Variants in FRY observed in about 807,000 individuals in gnomAD.
FRY encodes the protein FRY microtubule binding protein.
In FRY, 128 loss-of-function variants were observed where a neutral mutation model predicts 348.4. The ratio of observed to expected loss-of-function variants is 0.37; its 90% CI spans 0.32 to 0.43. FRY has a LOEUF of 0.43. FRY is among the 20% of genes least tolerant of loss of function. FRY has a pLI of 1.00. For missense variants in FRY, 2,736 were observed against 3,695.2 expected, an observed-to-expected ratio of 0.74 and a Z score of 6.73; for synonymous variants, 1,370 against 1,374.7, an observed-to-expected ratio of 1.00 and a Z score of 0.08.
intron 4 of FRY, among the ~76,000 whole-genome samples, chr13:32,123,267 A>C (rs1359594201): frequency 2.0e-5 from 3 of 152,248 alleles, no homozygotes; most frequent in African/African-American, 7.2e-5. Flanking sequence ...ATCTGGAGGC[A>C]TCACACTACC....
chr13:32,236,291 C>A, intron 43 of FRY, 119 bp downstream of exon 43: 1 of 748,222 alleles, frequency 1.3e-6, no homozygotes, highest in East Asian at 2.7e-5. Context: ...TATTTATGAC[C>A]TGAAAAAGTA....
intron 39 of FRY, 69 bp downstream of exon 39, chr13:32,226,043 A>G (rs1370098914): frequency 2.9e-6 from 4 of 1,392,084 alleles, no homozygotes; most frequent in Non-Finnish European, 4.1e-6. Context: ...TGCGGGTGCC[A>G]GTGGAGCCCA....
At chr13:32,056,188 T>TA (rs1252421652) in intron 1 of FRY, among the ~76,000 whole-genome samples, 76,781 of 119,554 alleles carry the variant, frequency 0.64, 24,305 homozygotes, top group African/African-American at 0.66. Flanking sequence ...AGACTCCATC[T>TA]AAAAAAAAAA....
intron 28 of FRY, among the ~76,000 whole-genome samples, chr13:32,190,679 A>G (rs77660807): frequency 0.023 from 3,435 of 152,276 alleles, 59 homozygotes; most frequent in Non-Finnish European, 0.034. Context: ...AGAAAAATTA[A>G]ACATCTAATA....
chr13:32,062,991 T>G (rs992548379), intron 1 of FRY, among the ~76,000 whole-genome samples: 11 of 152,018 alleles, frequency 7.2e-5, no homozygotes, highest in Non-Finnish European at 5.9e-5. Context: ...ATGCATACTA[T>G]AATGTATATT....
At chr13:32,161,729 C>G (rs779700007) in intron 17 of FRY, among the ~76,000 whole-genome samples, 2 of 152,194 alleles carry the variant, frequency 1.3e-5, no homozygotes, top group Non-Finnish European at 2.9e-5. Flanking sequence ...CTGAGGCCCA[C>G]AGACCCCCAT....
At position 32,202,408 on chromosome 13, in the gene FRY, C is replaced by T. The variant is rs921142251; in HGVS notation, c.3899C>T (p.Pro1300Leu). Residue 1300 changes from proline (P) to leucine (L), a missense_variant, in exon 31 of 61, where the codon CCG becomes CTG. Physicochemically the swap from Pro to Leu is moderately conservative, Grantham distance 98. Around this residue, in one of 9 missense-constraint regions of FRY, gnomAD observed 794 missense variants for 977.0 expected, o/e 0.81. Coordinates refer to ENST00000542859, the MANE Select transcript of FRY (RefSeq NM_023037.3). Reference protein sequence around the residue: ...VYSKKVAEQRPGSILYGTHGP... With the variant: ...VYSKKVAEQRLGSILYGTHGP... ...TCAAAGAAAGTCGCTGAGCAAAGAC[C>T]GGGAAGTATTCTCTATGGAACACAC... 6.2e-6 allele frequency: 10 copies of T among 1,613,862 alleles called. No homozygotes were observed. Among genetic ancestry groups the T allele is most frequent in the Non-Finnish European group, 7.6e-6 (9 of 1,179,948 alleles).
intron 11 of FRY, among the ~76,000 whole-genome samples, chr13:32,146,807 T>G (rs146794099): frequency 9.8e-5 from 15 of 152,296 alleles, no homozygotes; most frequent in African/African-American, 3.1e-4. Context: ...TCTCTGCATC[T>G]CAGGTTCTAG....
At chr13:32,248,507 T>G (rs560361173) in intron 48 of FRY, among the ~76,000 whole-genome samples, 27 of 151,092 alleles carry the variant, frequency 1.8e-4, no homozygotes, top group African/African-American at 6.4e-4. Context: ...ATTCTGCACA[T>G]GTACCCCAGA....
intron 1 of FRY, among the ~76,000 whole-genome samples, chr13:32,068,467 A>C (rs1455540514): frequency 6.6e-6 from 1 of 152,218 alleles, no homozygotes; most frequent in Non-Finnish European, 1.5e-5. Context: ...CTTGGCAGAC[A>C]TTCTTTCAGG....
At chr13:32,053,784 T>A (rs1174149074) in intron 1 of FRY, among the ~76,000 whole-genome samples, 1 of 152,188 alleles carries the variant, frequency 6.6e-6, no homozygotes, top group African/African-American at 2.4e-5. Flanking sequence ...CTAGACTAGG[T>A]TGTCTCCTTC....
At chr13:32,222,918 C>A (rs1461592303) in intron 36 of FRY, among the ~76,000 whole-genome samples, 1 of 152,086 alleles carries the variant, frequency 6.6e-6, no homozygotes, top group Non-Finnish European at 1.5e-5. Context: ...TCGGGGATGA[C>A]TTTAAGTCTC....
intron 1 of FRY, among the ~76,000 whole-genome samples, chr13:32,057,859 C>G (rs1345448109): frequency 3.3e-5 from 5 of 152,132 alleles, no homozygotes; most frequent in Admixed American, 3.3e-4. Flanking sequence ...ACTCGGGAGA[C>G]TGAGGCAGGA....
chr13:32,084,742 A>G (rs1487244683), intron 2 of FRY, among the ~76,000 whole-genome samples: 1 of 152,198 alleles, frequency 6.6e-6, no homozygotes, highest in African/African-American at 2.4e-5. Context: ...TCAGTTGTGC[A>G]TGTGCATACC....
At position 32,124,619 on chromosome 13, in the gene FRY, A is replaced by G. The variant is rs1268449885; in HGVS notation, c.573A>G (p.Val191=). Residue 191 remains valine (V), a synonymous_variant, in exon 6 of 61, where the codon GTA becomes GTG. Transcript: ENST00000542859. ...TTTTTCAGATTCCACTTCATCCTGT[A>G]ATAGACAGTTTAATACATGATGTTA... ...EVLKQIPLHP[V]IDSLIHDVIN... is the part of the protein sequence containing the mutation. 3.8e-6 allele frequency: 6 copies of G among 1,592,460 alleles called. No individual in the cohort carries two copies. The highest frequency in any genetic ancestry group is 5.2e-6 in the Non-Finnish European group (6 of 1,160,700).
chr13:32,184,171 C>T (rs78850086), intron 24 of FRY, among the ~76,000 whole-genome samples: 4,426 of 152,186 alleles, frequency 0.029, 102 homozygotes, highest in Middle Eastern at 0.045. Flanking sequence ...ATGGTGAAAT[C>T]CTATCTCAAA....
intron 36 of FRY, among the ~76,000 whole-genome samples, chr13:32,221,419 G>T (rs1885305772): frequency 6.6e-6 from 1 of 152,190 alleles, no homozygotes. Context: ...TAAATCCTGT[G>T]CCCACCTGTA....
chr13:32,138,014 G>C (rs1471191791), intron 11 of FRY, among the ~76,000 whole-genome samples: 1 of 152,102 alleles, frequency 6.6e-6, no homozygotes, highest in African/African-American at 2.4e-5. Context: ...AATTGGCAGT[G>C]AAATATAATA....
Position 32,225,022 on chromosome 13 carries a change from A to G in FRY, c.5006A>G (p.His1669Arg). Reference protein sequence around the residue: ...DWALHLPLLLHAVFLGLDHYR... With the variant: ...DWALHLPLLLRAVFLGLDHYR... ...GCGCTTCATCTACCATTATTACTTC[A>G]TGCTGTCTTCTTAGGTAAGACTGGA... Residue 1669 changes from histidine (H) to arginine (R), a missense_variant, in exon 38 of 61, where the codon CAT becomes CGT. Coordinates refer to ENST00000542859, the MANE Select transcript of FRY (RefSeq NM_023037.3). The G allele has an allele frequency of 6.3e-7, 1 of 1,592,648 alleles. No homozygotes were observed. Among genetic ancestry groups the G allele is most frequent in the East Asian group, 2.2e-5 (1 of 44,752 alleles).
Sources: allele counts gnomAD v4.1 joint callset (sites outside exome capture counted in the v4.1 genomes callset), GRCh38; gene constraint gnomAD v4.1.1; regional missense constraint gnomAD v4.1.1; transcripts MANE v1.5; gene names NCBI Gene and HGNC (gene_info 2026-07-23, HGNC 2026-07-21).